SKI: variants seen among roughly 807,000 people sequenced by gnomAD.
SKI encodes the protein SKI proto-oncogene.
A neutral mutation model predicts 59.3 loss-of-function variants in SKI; 23 were observed. That is an observed-to-expected ratio of 0.39 (90% CI 0.28 to 0.55). SKI has a LOEUF of 0.55. SKI is among the 20% of genes least tolerant of loss of function. SKI has a pLI of 0.67. For synonymous variants in SKI, 673 were observed against 488.6 expected (o/e 1.38, Z -4.98); for missense variants, 1,017 against 1,038.9 (o/e 0.98, Z 0.29).
chr1:2,286,853 T>TG (rs1337740474), intron 1 of SKI, among the ~76,000 whole-genome samples: 20 of 152,238 alleles, frequency 1.3e-4, no homozygotes. Flanking sequence ...GCAGTGGGCT[T>TG]GCATGTGGCG....
chr1:2,304,264 C>CT (rs760911732), intron 4 of SKI, 29 bp from the exon 5 acceptor site: 34 of 1,551,826 alleles, frequency 2.2e-5, no homozygotes, highest in Non-Finnish European at 3.0e-5. Context: ...ACTTCCATGA[C>CT]TTTGTTTCTG....
Position 2,228,477 on chromosome 1 carries a change from C to G in SKI, c.-290C>G, listed in dbSNP as rs1251754932. On this transcript the variant is annotated 5_prime_UTR_variant, in exon 1 of 7. Transcript: ENST00000378536. Reference sequence around the variant, plus strand: ...TGCCCCGCGCCTAGAGCCCGGGGGGCGCGCGGGGGACGCGCGGGGGGCCCG... The same window carrying G: ...TGCCCCGCGCCTAGAGCCCGGGGGGGGCGCGGGGGACGCGCGGGGGGCCCG... 7.1e-6 allele frequency among the ~76,000 whole-genome samples: 1 copy of G among 141,026 alleles called. No homozygotes were observed. Among genetic ancestry groups the G allele is most frequent in the South Asian group, 2.2e-4 (1 of 4,476 alleles). 92.5% of individuals were successfully genotyped at this position (141,026 alleles called of 152,430 possible).
At chr1:2,239,722 T>C (rs1397867195) in intron 1 of SKI, among the ~76,000 whole-genome samples, 2 of 152,212 alleles carry the variant, frequency 1.3e-5, no homozygotes, top group East Asian at 3.9e-4. Context: ...CCCCTCACTT[T>C]GAAGTCTTTC....
At chr1:2,283,315 C>T (rs778832431) in intron 1 of SKI, among the ~76,000 whole-genome samples, 1 of 152,158 alleles carries the variant, frequency 6.6e-6, no homozygotes, top group Non-Finnish European at 1.5e-5. Flanking sequence ...AGGGCCTGTC[C>T]AGGTCCTTTG....
chr1:2,228,983 G>T lies in SKI; in HGVS notation c.217G>T (p.Val73Leu), dbSNP rs1412398423. ...GCCCGCAGCCACCGAGCCGCCGCCC[G>T]TGCTGCACCTGCCCGCCATCCAGCC... ...PVPAATEPPP[V>L]LHLPAIQPPP... The change falls in exon 1 of 7, where the codon GTG becomes TTG. Residue 73 changes from valine to leucine, a missense_variant. Val to Leu is a conservative substitution (Grantham distance 32). Transcript: ENST00000378536. 1 of 1,536,848 alleles carries T rather than the reference G, an allele frequency of 6.5e-7. No individual in the cohort carries two copies. Among genetic ancestry groups the T allele is most frequent in the Non-Finnish European group, 8.7e-7 (1 of 1,146,916 alleles).
chr1:2,304,030 C>G lies in SKI; in HGVS notation c.1402C>G (p.Leu468Val). 1 of 1,612,500 alleles carries G rather than the reference C, an allele frequency of 6.2e-7. No homozygotes were observed. The highest frequency in any genetic ancestry group is 8.5e-7 in the Non-Finnish European group (1 of 1,179,866). The change falls in exon 4 of 7, where the codon CTG (leucine) becomes GTG (valine). Residue 468 changes from leucine (L) to valine (V), a missense_variant. By Grantham distance (32) the Leu-to-Val change is conservative. Transcript: ENST00000378536. ...TVDTPGAPET[L>V]APVAAPEEDK... ...GGACACCCCAGGAGCCCCAGAGACG[C>G]TGGCGCCCGTGGCTGCCCCAGAGGA...
chr1:2,277,442 G>A (rs1305834948), intron 1 of SKI, among the ~76,000 whole-genome samples: 3 of 152,162 alleles, frequency 2.0e-5, no homozygotes, highest in Non-Finnish European at 4.4e-5. Flanking sequence ...CATGCGATCT[G>A]ATAGGTTTAT....
intron 1 of SKI, among the ~76,000 whole-genome samples, chr1:2,252,104 G>A (rs928685199): frequency 2.0e-5 from 3 of 152,220 alleles, no homozygotes; most frequent in South Asian, 4.1e-4. Context: ...CCCGGTGAGA[G>A]ATCTGAGGAG....
chr1:2,274,880 G>T (rs1049665047), intron 1 of SKI, among the ~76,000 whole-genome samples: 1 of 152,176 alleles, frequency 6.6e-6, no homozygotes, highest in Non-Finnish European at 1.5e-5. Context: ...CTGGCTTCTT[G>T]CTCTCAGCAG....
Position 2,306,550 on chromosome 1 carries a change from G to A in SKI, c.1999-27G>A, listed in dbSNP as rs1437804005. 9 of 1,534,594 alleles carry A rather than the reference G, an allele frequency of 5.9e-6. No individual in the cohort carries two copies. In the South Asian group the frequency reaches 9.6e-5, roughly 16 times the overall value. ...GGCCGGGGCAGGGCAGCGAGCAGGC[G>A]CCGCTGACCACTCGGCTCCCTTTCA... On this transcript the variant is annotated intron_variant, in intron 6 of 6. Transcript: ENST00000378536.
In SKI at chr1:2,308,144, CG is replaced by C. The variant is rs1489022815; in HGVS notation, c.*1381del. On this transcript the variant is annotated 3_prime_UTR_variant, in exon 7 of 7. Coordinates refer to ENST00000378536, the MANE Select transcript of SKI (RefSeq NM_003036.4). ...GAGGCGGCTACCTATCCTACAGTTA[CG>C]GTATTTATTTACATAAGAAGATCTT... is the stretch of plus-strand genomic sequence containing the variant. 6.6e-6 allele frequency: 1 copy of C among 152,214 alleles called. No individual in the cohort carries two copies. The highest frequency in any genetic ancestry group is 2.4e-5 in the African/African-American group (1 of 41,452). The allele number at this position is 152,214 out of a possible 1,614,324, so 9.4% of individuals were successfully genotyped here.
intron 1 of SKI, among the ~76,000 whole-genome samples, chr1:2,298,759 G>A (rs1172629293): frequency 2.0e-5 from 3 of 152,210 alleles, no homozygotes; most frequent in African/African-American, 4.8e-5. Context: ...GTATCAACGC[G>A]CCCACCAAAT....
intron 1 of SKI, among the ~76,000 whole-genome samples, chr1:2,275,282 G>T (rs1639716510): frequency 1.3e-5 from 2 of 152,242 alleles, no homozygotes; most frequent in African/African-American, 4.8e-5. Flanking sequence ...CGCCACGGCG[G>T]CTCCTTTCTG....
chr1:2,306,463 C>T (rs1165358228), intron 6 of SKI, 114 bp from the exon 7 acceptor site: 18 of 1,157,202 alleles, frequency 1.6e-5, no homozygotes, highest in Non-Finnish European at 2.1e-5. Context: ...GAGGGGCCGG[C>T]ACGCGGCACT....
At chr1:2,293,739 G>A (rs1640220140) in intron 1 of SKI, among the ~76,000 whole-genome samples, 1 of 152,196 alleles carries the variant, frequency 6.6e-6, no homozygotes, top group Non-Finnish European at 1.5e-5. Flanking sequence ...AGGCCCCTGG[G>A]TCTGGTGGCT....
chr1:2,265,994 AT>A (rs1483991480), intron 1 of SKI, among the ~76,000 whole-genome samples: 1 of 152,054 alleles, frequency 6.6e-6, no homozygotes, highest in Admixed American at 6.6e-5. Context: ...TTAAAAAAAA[AT>A]CTTGAGCTTT....
intron 1 of SKI, among the ~76,000 whole-genome samples, chr1:2,282,669 C>A (rs888650201): frequency 3.3e-5 from 5 of 152,210 alleles, no homozygotes; most frequent in African/African-American, 1.2e-4. Flanking sequence ...CCTCCACCCT[C>A]ATGATAGGGC....
intron 1 of SKI, among the ~76,000 whole-genome samples, chr1:2,295,680 C>A (rs574101746): frequency 6.6e-6 from 1 of 150,498 alleles, no homozygotes; most frequent in Non-Finnish European, 1.5e-5. Context: ...TGACTGTGTC[C>A]GGGTCACACG....
At chr1:2,290,281 G>C (rs983126177) in intron 1 of SKI, among the ~76,000 whole-genome samples, 5 of 152,182 alleles carry the variant, frequency 3.3e-5, no homozygotes, top group African/African-American at 1.2e-4. Context: ...GGCACAGGCA[G>C]GGAGCAGCTG....
Sources: allele counts gnomAD v4.1 joint callset (sites outside exome capture counted in the v4.1 genomes callset), GRCh38; gene constraint gnomAD v4.1.1; transcripts MANE v1.5; gene names NCBI Gene and HGNC (gene_info 2026-07-23, HGNC 2026-07-21).